SPTB: variants seen among roughly 807,000 people sequenced by gnomAD.
SPTB encodes the protein spectrin beta, erythrocytic.
A neutral mutation model predicts 256.2 loss-of-function variants in SPTB; 45 were observed. The ratio of observed to expected loss-of-function variants is 0.18; its 90% CI spans 0.14 to 0.23. The LOEUF is 0.23. Among genes scored for constraint, SPTB ranks in the 10% least tolerant of loss-of-function variants. The pLI is 1.00. For missense variants in SPTB, 2,715 were observed against 3,040.4 expected (o/e 0.89, Z 2.52); for synonymous variants, 1,231 against 1,243.1 (o/e 0.99, Z 0.21).
rs77800976 is a variant in SPTB at position 64,826,297 on chromosome 14, G to C, written c.-51-3152C>G. Among the ~76,000 whole-genome samples, 495 of 152,278 alleles carry C rather than the reference G, an allele frequency of 3.3e-3. 7 individuals carry two copies. Among genetic ancestry groups the C allele is most frequent in the East Asian group, 0.019 (97 of 5,180 alleles). On this transcript the variant is annotated intron_variant, in intron 1 of 35. Coordinates refer to ENST00000644917, the MANE Select transcript of SPTB (RefSeq NM_001355436.2). This position sits in a 1 kb window ranked among gnomAD's most constrained non-coding sequence, Gnocchi z 4.4. ...CCAAAACCAGATTTAACCCATTCTC[G>C]GCGTCACCATGTCTCTTTCCATACT...
Position 64,824,188 on chromosome 14 carries a change from T to G in SPTB, c.-51-1043A>C, listed in dbSNP as rs1281825458. Among the ~76,000 whole-genome samples, 2 of 151,862 alleles carry G rather than the reference T, an allele frequency of 1.3e-5. No homozygotes were observed. The highest frequency in any genetic ancestry group is 3.9e-4 in the East Asian group (2 of 5,172). On this transcript the variant is annotated intron_variant, in intron 1 of 35. Coordinates refer to ENST00000644917, the MANE Select transcript of SPTB (RefSeq NM_001355436.2). The surrounding 1 kb of genome is among the most constrained non-coding windows in gnomAD (Gnocchi z 5.7). ...TGATGTGTGTCATGGCTGGCTTAGGTGGGGACTCGGCGGGGACTGGTATCA... is the reference window on the plus strand; with the variant it reads ...TGATGTGTGTCATGGCTGGCTTAGGGGGGGACTCGGCGGGGACTGGTATCA...
chr14:64,776,469 G>A (rs563178318), intron 22 of SPTB, among the ~76,000 whole-genome samples: 2 of 152,090 alleles, frequency 1.3e-5, no homozygotes, highest in South Asian at 4.2e-4. Context: ...TTAAGATAGG[G>A]TCTCACTCTA....
rs1470210652 is a variant in SPTB at position 64,764,907 on chromosome 14, A to T, written c.6345+1819T>A. ...TGCGATGACGGGAGCTTCGGAGGGA[A>T]CTTCTGGGAGAGACCCTTCAGCAGG... On this transcript the variant is annotated intron_variant, in intron 32 of 35. Coordinates refer to ENST00000644917, the MANE Select transcript of SPTB (RefSeq NM_001355436.2). This position sits in a 1 kb window ranked among gnomAD's most constrained non-coding sequence, Gnocchi z 4.2. Among the ~76,000 whole-genome samples, 2 of 151,864 alleles carry T rather than the reference A, an allele frequency of 1.3e-5. No homozygotes were observed. Among genetic ancestry groups the T allele is most frequent in the Non-Finnish European group, 2.9e-5 (2 of 67,942 alleles).
Position 64,772,265 on chromosome 14 carries a change from A to G in SPTB, c.5553+315T>C, listed in dbSNP as rs2082288519. Among the ~76,000 whole-genome samples the G allele has an allele frequency of 6.6e-6, 1 of 152,236 alleles. No individual in the cohort carries two copies. The highest frequency in any genetic ancestry group is 1.5e-5 in the Non-Finnish European group (1 of 68,028). On this transcript the variant is annotated intron_variant, in intron 26 of 35. Coordinates refer to ENST00000644917, the MANE Select transcript of SPTB (RefSeq NM_001355436.2). The surrounding 1 kb of genome is among the most constrained non-coding windows in gnomAD (Gnocchi z 5.4). ...TGCCATGAGGGTCCAGCGGCTACAT[A>G]CATTGCTCAGAAGAGCACCTGGTGC...
Position 64,824,423 on chromosome 14 carries a change from G to C in SPTB, c.-51-1278C>G, listed in dbSNP as rs1350732945. Among the ~76,000 whole-genome samples, 3 of 152,162 alleles carry C rather than the reference G, an allele frequency of 2.0e-5. No individual in the cohort carries two copies. The highest frequency in any genetic ancestry group is 7.2e-5 in the African/African-American group (3 of 41,422). On this transcript the variant is annotated intron_variant, in intron 1 of 35. Transcript: ENST00000644917. This position sits in a 1 kb window ranked among gnomAD's most constrained non-coding sequence, Gnocchi z 5.7. ...GAGAAAAGTGAGGAGGGGGCCAGGG[G>C]AGCCAGGCTTGGTCTTCAATGCCCT...
At chr14:64,846,781 G>C (rs1156460974) in intron 1 of SPTB, among the ~76,000 whole-genome samples, 3 of 152,192 alleles carry the variant, frequency 2.0e-5, no homozygotes, top group African/African-American at 7.2e-5. Flanking sequence ...ATGTCAGAAA[G>C]GGCCTTTGTC....
Position 64,784,208 on chromosome 14 carries a change from G to A in SPTB, c.4002+39C>T, listed in dbSNP as rs80059627. The stretch of plus-strand genomic sequence containing the variant: ...GAAGCCCATCCAGGCAAGCCTATCT[G>A]AGCAGAGCACCCACCCGCCGCCCAA... On this transcript the variant is annotated intron_variant, in intron 19 of 35. Coordinates refer to ENST00000644917, the MANE Select transcript of SPTB (RefSeq NM_001355436.2). 1.6e-3 allele frequency: 2,572 copies of A among 1,613,400 alleles called. 46 individuals carry two copies. The African/African-American group carries it at 0.03, about 19-fold the overall frequency.
At chr14:64,862,440 A>G (rs1183067961) in intron 1 of SPTB, among the ~76,000 whole-genome samples, 1 of 152,096 alleles carries the variant, frequency 6.6e-6, no homozygotes, top group Non-Finnish European at 1.5e-5. Flanking sequence ...TATTTCCGAG[A>G]ACAAAAATGT....
chr14:64,793,422 C>A lies in SPTB; in HGVS notation c.2241G>T (p.Gln747His). Reference sequence around the variant, plus strand: ...TCAGGTCATCCGCATCGCCCTGGAACTGGAAAAAGTTCTCAGCATCCTGGA... The same window carrying A: ...TCAGGTCATCCGCATCGCCCTGGAAATGGAAAAAGTTCTCAGCATCCTGGA... The part of the protein sequence containing the change: ...KNLQDAENFF[Q>H]FQGDADDLKA... The change falls in exon 14 of 36, where the codon CAG becomes CAT. Residue 747 changes from glutamine to histidine, a missense_variant. Physicochemically the swap from Gln to His is conservative, Grantham distance 24. Transcript: ENST00000644917. This position sits in a 1 kb window ranked among gnomAD's most constrained non-coding sequence, Gnocchi z 7.0. 6.2e-7 allele frequency: 1 copy of A among 1,613,840 alleles called. No individual in the cohort carries two copies. Among genetic ancestry groups the A allele is most frequent in the East Asian group, 2.2e-5 (1 of 44,884 alleles).
rs1473996357 is a variant in SPTB, at chr14:64,759,250, AGGCAGGGAGCCAAGTAGCTG to A, written c.6346-5477_6346-5458del. On this transcript the variant is annotated intron_variant, in intron 32 of 35. Coordinates refer to ENST00000644917, the MANE Select transcript of SPTB (RefSeq NM_001355436.2). The surrounding 1 kb of genome is among the most constrained non-coding windows in gnomAD (Gnocchi z 4.8). ...TGGGAAGGCAGGGAGCCAAGTAGCTAGGCAGGGAGCCAAGTAGCTGGGCAGGGACCCACCCATGACCCCCT... is the reference window on the plus strand; with the variant it reads ...TGGGAAGGCAGGGAGCCAAGTAGCTAGGCAGGGACCCACCCATGACCCCCT... 3.5e-4 allele frequency among the ~76,000 whole-genome samples: 38 copies of A among 109,148 alleles called. No homozygotes were observed. Among genetic ancestry groups the A allele is most frequent in the African/African-American group, 1.2e-3 (29 of 24,566 alleles). 71.6% of individuals were successfully genotyped at this position (109,148 alleles called of 152,430 possible). A position where few individuals can be genotyped will look rare whatever the true frequency, so the allele number is the denominator to read the frequency against.
In SPTB at chr14:64,758,205, G is replaced by T. The variant is rs1436521662; in HGVS notation, c.6346-4412C>A. 6.6e-6 allele frequency among the ~76,000 whole-genome samples: 1 copy of T among 152,232 alleles called. No individual in the cohort carries two copies. Among genetic ancestry groups the T allele is most frequent in the Non-Finnish European group, 1.5e-5 (1 of 68,044 alleles). ...CAATTATTGTGGCCAGTGTCCTGTG[G>T]GGCTGGTGTAAGGATCTCAAAAACC... On this transcript the variant is annotated intron_variant, in intron 32 of 35. Coordinates refer to ENST00000644917, the MANE Select transcript of SPTB (RefSeq NM_001355436.2). The surrounding 1 kb of genome is among the most constrained non-coding windows in gnomAD (Gnocchi z 4.6).
At chr14:64,830,533 T>C (rs2083439005) in intron 1 of SPTB, among the ~76,000 whole-genome samples, 1 of 152,024 alleles carries the variant, frequency 6.6e-6, no homozygotes, top group South Asian at 2.1e-4. Context: ...AGTTATCCCA[T>C]GTACATGTAT....
intron 1 of SPTB, among the ~76,000 whole-genome samples, chr14:64,861,922 A>C (rs1384449508): frequency 1.3e-5 from 2 of 152,098 alleles, no homozygotes; most frequent in Non-Finnish European, 2.9e-5. Context: ...CTTCATCCTC[A>C]TTGTGCTGTG....
rs181965693 is a variant in SPTB at position 64,779,366 on chromosome 14, C to G, written c.4474-120G>C. The G allele has an allele frequency of 4.9e-4, 417 of 848,492 alleles. 1 individual carries two copies. In the African/African-American group the frequency reaches 6.5e-3, roughly 13 times the overall value. 52.6% of individuals were successfully genotyped at this position (848,492 alleles called of 1,614,324 possible). On this transcript the variant is annotated intron_variant, in intron 21 of 35. Coordinates refer to ENST00000644917, the MANE Select transcript of SPTB (RefSeq NM_001355436.2). The surrounding 1 kb of genome is among the most constrained non-coding windows in gnomAD (Gnocchi z 4.2). ...GTCTCCCCAGTTCCTCCCAACACCC[C>G]ATCAGGGTTTTGCCCCCATTTTATA... is the stretch of plus-strand genomic sequence containing the variant.
At chr14:64,809,097 T>C (rs905661453) in intron 2 of SPTB, among the ~76,000 whole-genome samples, 1 of 151,498 alleles carries the variant, frequency 6.6e-6, no homozygotes, top group African/African-American at 2.4e-5. Context: ...CTCATCTCTA[T>C]TAAAAATACA....
At position 64,786,882 on chromosome 14, in the gene SPTB, T is replaced by C. The variant is rs1366865059; in HGVS notation, c.3083A>G (p.Gln1028Arg). 1.2e-6 allele frequency: 2 copies of C among 1,612,916 alleles called. No homozygotes were observed. Among genetic ancestry groups the C allele is most frequent in the South Asian group, 2.2e-5 (2 of 91,086 alleles). Residue 1028 changes from glutamine to arginine, a missense_variant, in exon 16 of 36, where the codon CAG becomes CGG. Physicochemically the swap from Gln to Arg is conservative, Grantham distance 43. Transcript: ENST00000644917. This position sits in a 1 kb window ranked among gnomAD's most constrained non-coding sequence, Gnocchi z 5.6. ...SQQLMDSHPE[Q>R]KEDIGQRQKH... ...TTGCCGCTGACCAATATCCTCCTTCTGCTCAGGGTGCGAGTCCATCAGCTG... is the reference window on the plus strand; with the variant it reads ...TTGCCGCTGACCAATATCCTCCTTCCGCTCAGGGTGCGAGTCCATCAGCTG...
chr14:64,868,297 C>G (rs1396184972), intron 1 of SPTB, among the ~76,000 whole-genome samples: 2 of 151,516 alleles, frequency 1.3e-5, no homozygotes, highest in Non-Finnish European at 2.9e-5. Flanking sequence ...AAACAAGCAG[C>G]CAAGTAGATG....
chr14:64,820,430 GA>G (rs1402072422), intron 2 of SPTB, among the ~76,000 whole-genome samples: 1 of 152,194 alleles, frequency 6.6e-6, no homozygotes, highest in Non-Finnish European at 1.5e-5. Context: ...TCAGGAGAAG[GA>G]AGCCAGTAAA....
intron 2 of SPTB, among the ~76,000 whole-genome samples, chr14:64,813,099 T>C (rs2083121903): frequency 6.6e-6 from 1 of 152,224 alleles, no homozygotes. Context: ...TTGTTATAGC[T>C]GGATGGTAAG....
Sources: allele counts gnomAD v4.1 joint callset (sites outside exome capture counted in the v4.1 genomes callset), GRCh38; gene constraint gnomAD v4.1.1; non-coding constraint Gnocchi (gnomAD v3.1); transcripts MANE v1.5; gene names NCBI Gene and HGNC (gene_info 2026-07-23, HGNC 2026-07-21).